The following PLOD2 variants were observed in gnomAD, a reference collection of about 807,000 sequenced individuals.
PLOD2 encodes procollagen-lysine,2-oxoglutarate 5-dioxygenase 2.
Under a neutral mutation model 101.0 loss-of-function variants are expected in PLOD2, and 65 were observed. The observed-to-expected ratio is 0.64, with a 90% CI of 0.53 to 0.79. PLOD2 has a LOEUF of 0.79. PLOD2 is among the 30% of genes least tolerant of loss of function. The pLI is 0.00. For missense variants in PLOD2, 909 were observed against 914.6 expected, an observed-to-expected ratio of 0.99 and a Z score of 0.08; for synonymous variants, 314 against 302.9, an observed-to-expected ratio of 1.04 and a Z score of -0.38.
chr3:146,145,331 C>T (rs1300799470), intron 1 of PLOD2, among the ~76,000 whole-genome samples: 1 of 152,134 alleles, frequency 6.6e-6, no homozygotes, highest in Non-Finnish European at 1.5e-5. Context: ...CAGCCATTCC[C>T]AATCTAGTTT....
chr3:146,117,596 A>G (rs12496198), intron 3 of PLOD2, among the ~76,000 whole-genome samples: 67,373 of 151,834 alleles, frequency 0.44, 15,076 homozygotes, highest in East Asian at 0.56. Context: ...TAGTCATGGT[A>G]GGTAATGATG....
chr3:146,136,681 G>A (rs987311150), intron 1 of PLOD2, among the ~76,000 whole-genome samples: 7 of 152,082 alleles, frequency 4.6e-5, no homozygotes, highest in African/African-American at 1.7e-4. Flanking sequence ...AGCACAATGG[G>A]TTGCCTTTTT....
chr3:146,143,570 G>A (rs890259975), intron 1 of PLOD2, among the ~76,000 whole-genome samples: 1 of 151,906 alleles, frequency 6.6e-6, no homozygotes, highest in East Asian at 1.9e-4. Flanking sequence ...GAATTTCCCT[G>A]TATCTACCCT....
At chr3:146,086,752 A>T in intron 10 of PLOD2, 35 bp downstream of exon 10, 1 of 1,314,390 alleles carries the variant, frequency 7.6e-7, no homozygotes, top group Non-Finnish European at 1.0e-6. Flanking sequence ...CCTTAGTAAA[A>T]TAATTTAATT....
intron 3 of PLOD2, among the ~76,000 whole-genome samples, chr3:146,113,432 G>A (rs749676115): frequency 1.2e-4 from 18 of 152,188 alleles, no homozygotes; most frequent in Non-Finnish European, 2.1e-4. Flanking sequence ...CAGGTGTTGC[G>A]GGAAGTCAGG....
chr3:146,132,466 A>T (rs886541024), intron 1 of PLOD2, among the ~76,000 whole-genome samples: 1 of 152,214 alleles, frequency 6.6e-6, no homozygotes, highest in African/African-American at 2.4e-5. Flanking sequence ...CAGAGATAAT[A>T]GATATGTGAA....
chr3:146,072,276 ATG>A (rs1022026176), intron 17 of PLOD2, among the ~76,000 whole-genome samples: 2 of 35,780 alleles, frequency 5.6e-5, no homozygotes, highest in East Asian at 1.0e-3. Flanking sequence ...CTGTAAAGAC[ATG>A]TGTTACCTAA....
intron 1 of PLOD2, among the ~76,000 whole-genome samples, chr3:146,137,163 G>T (rs1275121367): frequency 6.6e-6 from 1 of 152,122 alleles, no homozygotes; most frequent in Non-Finnish European, 1.5e-5. Flanking sequence ...TGACTAAAAG[G>T]TATTTTCCAT....
At chr3:146,079,959 T>C (rs1156615096) in intron 12 of PLOD2, among the ~76,000 whole-genome samples, 1 of 152,030 alleles carries the variant, frequency 6.6e-6, no homozygotes, top group African/African-American at 2.4e-5. Flanking sequence ...CACATCTATA[T>C]TCTCACTCTG....
In PLOD2 at chr3:146,070,744, G is replaced by A. The variant is rs1294118970; in HGVS notation, c.2250C>T (p.Tyr750=). Residue 750 remains tyrosine (Y), a synonymous_variant, in exon 20 of 20, where the codon TAC becomes TAT. Coordinates refer to ENST00000282903, the MANE Select transcript of PLOD2 (RefSeq NM_182943.3). ...EGLPVKNGTR[Y]IAVSFIDP is the part of the protein sequence containing the mutation. ...AGGGATCTATAAATGACACTGCAATGTATCTTGTTCCATTTTTAACAGGAA... is the reference window on the plus strand; with the variant it reads ...AGGGATCTATAAATGACACTGCAATATATCTTGTTCCATTTTTAACAGGAA... The A allele has an allele frequency of 6.2e-7, 1 of 1,607,152 alleles. No homozygotes were observed.
Position 146,071,353 on chromosome 3 carries a change from T to G in PLOD2, c.1919A>C (p.Glu640Ala). 1 of 1,612,220 alleles carries G rather than the reference T, an allele frequency of 6.2e-7. No individual in the cohort carries two copies. The highest frequency in any genetic ancestry group is 8.5e-7 in the Non-Finnish European group (1 of 1,178,776). Reference protein sequence around the residue: ...DDIHMKQVDLENVWLHFIREF... With the variant: ...DDIHMKQVDLANVWLHFIREF... ...CCGGATAAAATGAAGCCATACATTCTCCAGATCAACTTGCTTCATGTGGAT... is the reference window on the plus strand; with the variant it reads ...CCGGATAAAATGAAGCCATACATTCGCCAGATCAACTTGCTTCATGTGGAT... The change falls in exon 18 of 20, where the codon GAG (glutamate) becomes GCG (alanine). Residue 640 changes from glutamate to alanine, a missense_variant. Coordinates refer to ENST00000282903, the MANE Select transcript of PLOD2 (RefSeq NM_182943.3).
intron 4 of PLOD2, among the ~76,000 whole-genome samples, chr3:146,106,989 AT>A (rs1344422524): frequency 6.6e-6 from 1 of 152,154 alleles, no homozygotes; most frequent in Non-Finnish European, 1.5e-5. Context: ...TGAGACAAGA[AT>A]TTTTTCTCTG....
intron 3 of PLOD2, among the ~76,000 whole-genome samples, chr3:146,113,124 G>A (rs1472300047): frequency 1.3e-5 from 2 of 152,120 alleles, no homozygotes; most frequent in Admixed American, 1.3e-4. Context: ...TTGAAAAAGA[G>A]TTATGGCAAC....
intron 1 of PLOD2, among the ~76,000 whole-genome samples, chr3:146,140,956 T>G (rs1161171560): frequency 2.6e-5 from 4 of 152,016 alleles, no homozygotes; most frequent in South Asian, 4.1e-4. Flanking sequence ...CATTTTAATG[T>G]CTGAGTGTCC....
intron 3 of PLOD2, among the ~76,000 whole-genome samples, chr3:146,112,193 G>A (rs1205241346): frequency 6.6e-6 from 1 of 152,070 alleles, no homozygotes; most frequent in Non-Finnish European, 1.5e-5. Flanking sequence ...AAAGTTACAT[G>A]CACACATATG....
intron 11 of PLOD2, among the ~76,000 whole-genome samples, chr3:146,082,511 T>C (rs746827932): frequency 6.6e-6 from 1 of 152,216 alleles, no homozygotes; most frequent in East Asian, 1.9e-4. Flanking sequence ...ACAACTATTC[T>C]TTATATGAAA....
At chr3:146,116,943 A>G (rs1937940215) in intron 3 of PLOD2, among the ~76,000 whole-genome samples, 1 of 152,162 alleles carries the variant, frequency 6.6e-6, no homozygotes, top group East Asian at 1.9e-4. Flanking sequence ...TATTCCATGG[A>G]AGGAATGCGA....
intron 1 of PLOD2, among the ~76,000 whole-genome samples, chr3:146,160,058 C>T (rs2032496101): frequency 6.6e-6 from 1 of 152,132 alleles, no homozygotes. Context: ...ACAAAAAGGA[C>T]ATTAGAAGGT....
intron 7 of PLOD2, among the ~76,000 whole-genome samples, 156 bp downstream of exon 7, chr3:146,102,599 A>G (rs1366325121): frequency 1.3e-5 from 2 of 152,246 alleles, no homozygotes; most frequent in East Asian, 3.8e-4. Flanking sequence ...ATTAGTATAA[A>G]ACCAGATGAT....
Sources: gnomAD v4.1 joint callset for allele counts (sites outside exome capture counted in the v4.1 genomes callset) on GRCh38, gnomAD v4.1.1 for gene constraint, MANE v1.5 for transcripts, NCBI Gene and HGNC (gene_info 2026-07-23, HGNC 2026-07-21) for gene names.